NEK1: variants seen among roughly 807,000 people sequenced by gnomAD.
NEK1 encodes serine/threonine-protein kinase Nek1.
A neutral mutation model predicts 182.1 loss-of-function variants in NEK1; 137 were observed. That is an observed-to-expected ratio of 0.75 (90% CI 0.65 to 0.87). The LOEUF (loss-of-function observed/expected upper bound fraction) is 0.87, where lower values mean the gene tolerates loss of function less well. Among genes scored for constraint, NEK1 ranks in the 40% least tolerant of loss-of-function variants. NEK1 has a pLI of 0.00. For missense variants in NEK1, 1,391 were observed against 1,494.4 expected (o/e 0.93, Z 1.14); for synonymous variants, 513 against 492.2 (o/e 1.04, Z -0.56).
At chr4:169,518,694 T>C (rs1160518558) in intron 19 of NEK1, among the ~76,000 whole-genome samples, 1 of 91,816 alleles carries the variant, frequency 1.1e-5, no homozygotes, top group Non-Finnish European at 2.0e-5. Context: ...CCAGAGATTC[T>C]GGTATGTGGT....
At chr4:169,407,437 T>A (rs561309357) in intron 31 of NEK1, among the ~76,000 whole-genome samples, 2 of 152,174 alleles carry the variant, frequency 1.3e-5, no homozygotes, top group Non-Finnish European at 2.9e-5. Flanking sequence ...GAGTGGAACC[T>A]TTCTCACTAG....
intron 18 of NEK1, among the ~76,000 whole-genome samples, chr4:169,540,831 G>A (rs1051829276): frequency 4.6e-5 from 7 of 151,100 alleles, no homozygotes; most frequent in Non-Finnish European, 8.9e-5. Context: ...GAAGTATAGT[G>A]TTCTTTTATC....
intron 18 of NEK1, among the ~76,000 whole-genome samples, chr4:169,546,828 T>C (rs1580665398): frequency 6.6e-6 from 1 of 152,208 alleles, no homozygotes; most frequent in Non-Finnish European, 1.5e-5. Flanking sequence ...ATTTGCTTGG[T>C]AAATATTCCT....
At chr4:169,431,756 C>T (rs1426453978) in intron 29 of NEK1, among the ~76,000 whole-genome samples, 1 of 150,882 alleles carries the variant, frequency 6.6e-6, no homozygotes. Flanking sequence ...AAATTAGACT[C>T]CGTCTCCACC....
At chr4:169,585,225 A>G in intron 10 of NEK1, 124 bp downstream of exon 10, 1 of 631,678 alleles carries the variant, frequency 1.6e-6, no homozygotes, top group East Asian at 2.8e-5. Flanking sequence ...AAGTGACACT[A>G]ATGTAGTTTG....
chr4:169,540,541 ACAGT>A (rs763870368), intron 18 of NEK1, among the ~76,000 whole-genome samples: 8 of 152,120 alleles, frequency 5.3e-5, no homozygotes, highest in Non-Finnish European at 8.8e-5. Context: ...TTAAGAGAAA[ACAGT>A]CAGTTTACTT....
intron 31 of NEK1, among the ~76,000 whole-genome samples, chr4:169,415,708 T>C (rs769923836): frequency 1.3e-5 from 2 of 152,210 alleles, no homozygotes; most frequent in African/African-American, 2.4e-5. Flanking sequence ...TGATGAATGG[T>C]GGCAATCAAA....
intron 18 of NEK1, among the ~76,000 whole-genome samples, chr4:169,539,823 T>A (rs570704788): frequency 1.8e-4 from 28 of 152,208 alleles, no homozygotes; most frequent in African/African-American, 6.3e-4. Flanking sequence ...TGTATCCTGA[T>A]TGTATCAACT....
intron 18 of NEK1, among the ~76,000 whole-genome samples, chr4:169,546,069 T>TG (rs1440819670): frequency 6.6e-6 from 1 of 152,200 alleles, no homozygotes; most frequent in East Asian, 1.9e-4. Flanking sequence ...CTTCTAATTG[T>TG]GATGTTAGGG....
chr4:169,495,973 A>C (rs1320605761), intron 23 of NEK1, among the ~76,000 whole-genome samples: 1 of 152,180 alleles, frequency 6.6e-6, no homozygotes, highest in African/African-American at 2.4e-5. Context: ...GATGGCATTG[A>C]ATCTATAAAT....
At chr4:169,595,096 G>A (rs761645786) in intron 5 of NEK1, among the ~76,000 whole-genome samples, 3 of 152,012 alleles carry the variant, frequency 2.0e-5, no homozygotes, top group African/African-American at 7.2e-5. Context: ...ATAGACTCTT[G>A]GGTACAAGTT....
chr4:169,497,683 A>G (rs1751608342), intron 23 of NEK1, among the ~76,000 whole-genome samples: 1 of 152,194 alleles, frequency 6.6e-6, no homozygotes, highest in East Asian at 1.9e-4. Context: ...ATTCAGGAAC[A>G]GGTTGTTCAG....
At chr4:169,421,564 C>T (rs1243373063) in intron 31 of NEK1, among the ~76,000 whole-genome samples, 1 of 152,008 alleles carries the variant, frequency 6.6e-6, no homozygotes, top group Non-Finnish European at 1.5e-5. Flanking sequence ...TGAGATCTGA[C>T]AATTTAAAAG....
intron 9 of NEK1, 27 bp downstream of exon 9, chr4:169,587,532 G>C (rs576317022): frequency 3.8e-5 from 48 of 1,278,000 alleles, no homozygotes; most frequent in Non-Finnish European, 2.8e-5. Flanking sequence ...ACATAACTTT[G>C]AAAGTATTTC....
intron 26 of NEK1, among the ~76,000 whole-genome samples, chr4:169,466,998 ACCC>A (rs1401352644): frequency 1.3e-5 from 2 of 151,746 alleles, no homozygotes; most frequent in Non-Finnish European, 2.9e-5. Context: ...GCCAAGACCA[ACCC>A]CCCAACTTCC....
At chr4:169,465,141 A>G (rs1489844395) in intron 26 of NEK1, among the ~76,000 whole-genome samples, 2 of 152,140 alleles carry the variant, frequency 1.3e-5, no homozygotes, top group South Asian at 2.1e-4. Context: ...TACAGCCAAA[A>G]TGATTACCAA....
chr4:169,564,616 T>C (rs1250795040), intron 12 of NEK1, among the ~76,000 whole-genome samples: 1 of 152,080 alleles, frequency 6.6e-6, no homozygotes, highest in Non-Finnish European at 1.5e-5. Context: ...TAGAAAGGCA[T>C]ACAAAAATTT....
intron 11 of NEK1, among the ~76,000 whole-genome samples, chr4:169,577,318 TA>T (rs34487354): frequency 1.3e-4 from 19 of 146,882 alleles, no homozygotes; most frequent in South Asian, 2.1e-4. Context: ...TTTTTAATAT[TA>T]AAAAAAAAAA....
Position 169,401,831 on chromosome 4 carries a change from T to C in NEK1, c.3404A>G (p.Gln1135Arg), listed in dbSNP as rs576806317. ...IVFEETDTDL[Q>R]ELQASMEQLL... The stretch of plus-strand genomic sequence containing the variant: ...CTGTTCCATCGAGGCCTGCAGCTCT[T>C]GTAAATCTGTGTCAGTTTCTTCAAA... Residue 1135 changes from glutamine to arginine, a missense_variant, in exon 33 of 36, where the codon CAA (glutamine) becomes CGA (arginine). By Grantham distance (43) the Gln-to-Arg change is conservative (BLOSUM62 1). This residue lies in a region of NEK1 where 1,216 missense variants were observed against 1,277.6 expected (regional missense o/e 0.95). Coordinates refer to ENST00000507142, the MANE Select transcript of NEK1 (RefSeq NM_001199397.3). 2 of 1,612,596 alleles carry C rather than the reference T, an allele frequency of 1.2e-6. No individual in the cohort carries two copies. The highest frequency in any genetic ancestry group is 2.7e-5 in the African/African-American group (2 of 75,014).
Sources: gnomAD v4.1 joint callset for allele counts (sites outside exome capture counted in the v4.1 genomes callset) on GRCh38, gnomAD v4.1.1 for gene constraint, gnomAD v4.1.1 regional missense constraint, MANE v1.5 for transcripts, NCBI Gene and HGNC (gene_info 2026-07-23, HGNC 2026-07-21) for gene names.